CACNA1G: variants seen among roughly 807,000 people sequenced by gnomAD.
CACNA1G encodes the protein calcium voltage-gated channel subunit alpha1 G.
In CACNA1G, 67 loss-of-function variants were observed where a neutral mutation model predicts 219.4. That is an observed-to-expected ratio of 0.31 (90% CI 0.25 to 0.37). CACNA1G has a LOEUF of 0.37. Ranked by LOEUF, CACNA1G falls within the 10% of genes least tolerant of loss-of-function variation. The probability of loss-of-function intolerance (pLI) is 1.00; values close to 1 mark genes in which losing one functional copy is unlikely to be tolerated. For synonymous variants in CACNA1G, 1,296 were observed against 1,345.3 expected (o/e 0.96, Z 0.80); for missense variants, 2,380 against 3,231.4 (o/e 0.74, Z 6.39).
At chr17:50,605,181 C>T (rs1414703926) in intron 22 of CACNA1G, among the ~76,000 whole-genome samples, 1 of 152,116 alleles carries the variant, frequency 6.6e-6, no homozygotes, top group Non-Finnish European at 1.5e-5. Flanking sequence ...CCAGTCCTTC[C>T]GGTGGATTTA....
intron 9 of CACNA1G, among the ~76,000 whole-genome samples, chr17:50,585,367 G>A (rs1045019331): frequency 3.9e-5 from 6 of 152,184 alleles, no homozygotes; most frequent in Non-Finnish European, 8.8e-5. Flanking sequence ...GAAGCTGAGT[G>A]GGCACCGTGA....
rs745698816 is a variant in CACNA1G at position 50,576,039 on chromosome 17, C to G, written c.1637C>G (p.Pro546Arg). Residue 546 changes from proline to arginine, a missense_variant, in exon 8 of 38, where the codon CCC becomes CGC. Coordinates refer to ENST00000359106, the MANE Select transcript of CACNA1G (RefSeq NM_018896.5). ...TCGACGCCTGCCCTCTCCGGGGCCC[C>G]CCCTGGTGGCGCAGAGTCTGTGCAC... Reference protein sequence around the residue: ...PPSTPALSGAPPGGAESVHSF... With the variant: ...PPSTPALSGARPGGAESVHSF... 1 of 1,572,666 alleles carries G rather than the reference C, an allele frequency of 6.4e-7. No homozygotes were observed. Among genetic ancestry groups the G allele is most frequent in the Non-Finnish European group, 8.6e-7 (1 of 1,160,096 alleles).
rs1223217345 is a variant in CACNA1G at position 50,596,017 on chromosome 17, G to A, written c.2980-545G>A. Among the ~76,000 whole-genome samples the A allele has an allele frequency of 6.6e-6, 1 of 152,208 alleles. No individual in the cohort carries two copies. Among genetic ancestry groups the A allele is most frequent in the Non-Finnish European group, 1.5e-5 (1 of 68,050 alleles). On this transcript the variant is annotated intron_variant, in intron 14 of 37. Transcript: ENST00000359106. This position sits in a 1 kb window ranked among gnomAD's most constrained non-coding sequence, Gnocchi z 4.8. ...GAGGTAAAAATGGGGCCAGGGAGGGGGCCGGGACTTGGGGAAGATGAAGGG... is the reference window on the plus strand; with the variant it reads ...GAGGTAAAAATGGGGCCAGGGAGGGAGCCGGGACTTGGGGAAGATGAAGGG...
rs976515933 is a variant in CACNA1G at position 50,600,489 on chromosome 17, G to A, written c.3691-237G>A. Among the ~76,000 whole-genome samples the A allele has an allele frequency of 6.6e-6, 1 of 151,994 alleles. No homozygotes were observed. Among genetic ancestry groups the A allele is most frequent in the African/African-American group, 2.4e-5 (1 of 41,366 alleles). On this transcript the variant is annotated intron_variant, in intron 17 of 37. Transcript: ENST00000359106. This position sits in a 1 kb window ranked among gnomAD's most constrained non-coding sequence, Gnocchi z 4.1. ...GGGAGAGCGGGGTTGGGGATGCAGG[G>A]GAGGAGAGGGAGGAGGTGGAGAGGC...
intron 13 of CACNA1G, among the ~76,000 whole-genome samples, chr17:50,593,772 A>G (rs1417158689): frequency 1.3e-5 from 2 of 152,162 alleles, no homozygotes; most frequent in African/African-American, 4.8e-5. Context: ...GGTGGGATGG[A>G]GAAAGGACTT....
chr17:50,617,536 T>C lies in CACNA1G; in HGVS notation c.5120T>C (p.Ile1707Thr). The C allele has an allele frequency of 6.2e-7, 1 of 1,614,036 alleles. No homozygotes were observed. The highest frequency in any genetic ancestry group is 8.5e-7 in the Non-Finnish European group (1 of 1,179,896). The change falls in exon 29 of 38, where the codon ATC becomes ACC. Residue 1707 changes from isoleucine to threonine, a missense_variant. Ile to Thr is a moderately conservative substitution (Grantham distance 89). Transcript: ENST00000359106. This position sits in a 1 kb window ranked among gnomAD's most constrained non-coding sequence, Gnocchi z 5.8. ...VNASLPINPT[I>T]IRIMRVLRIA... ...GCCTCGCTGCCCATCAACCCCACCA[T>C]CATCCGCATCATGAGGGTGCTGCGC...
intron 13 of CACNA1G, 71 bp from the exon 14 acceptor site, chr17:50,594,922 C>T: frequency 6.8e-6 from 8 of 1,174,496 alleles, no homozygotes; most frequent in Non-Finnish European, 9.9e-6. Flanking sequence ...CCTCTCTCGA[C>T]ACTGCCGATA....
At chr17:50,593,710 G>C (rs2044870774) in intron 13 of CACNA1G, among the ~76,000 whole-genome samples, 1 of 152,234 alleles carries the variant, frequency 6.6e-6, no homozygotes, top group Non-Finnish European at 1.5e-5. Context: ...ACCTTTGCAG[G>C]GAGGGTCTCA....
At chr17:50,609,765 C>T in intron 25 of CACNA1G, 117 bp from the exon 26 acceptor site, 1 of 827,728 alleles carries the variant, frequency 1.2e-6, no homozygotes, top group Non-Finnish European at 1.9e-6. Context: ...CCAATGGGCT[C>T]AGCGCACCCC....
At position 50,602,353 on chromosome 17, in the gene CACNA1G, T is replaced by A. The variant is rs183165519; in HGVS notation, c.3916-467T>A. Among the ~76,000 whole-genome samples the A allele has an allele frequency of 3.6e-4, 55 of 152,360 alleles. 1 individual carries two copies. The South Asian group carries it at 6.2e-3, about 17-fold the overall frequency. Reference sequence around the variant, plus strand: ...TCCCTGCCCTGCCCCAGCCTGTGCCTGGGGGTGCAGAGTCTGTGTCAGGAC... The same window carrying A: ...TCCCTGCCCTGCCCCAGCCTGTGCCAGGGGGTGCAGAGTCTGTGTCAGGAC... On this transcript the variant is annotated intron_variant, in intron 19 of 37. Coordinates refer to ENST00000359106, the MANE Select transcript of CACNA1G (RefSeq NM_018896.5).
At chr17:50,568,244 A>G (rs1334458741) in intron 1 of CACNA1G, among the ~76,000 whole-genome samples, 2 of 151,970 alleles carry the variant, frequency 1.3e-5, no homozygotes, top group African/African-American at 4.8e-5. Context: ...AGAGGAAACT[A>G]TCATAGATCA....
intron 16 of CACNA1G, among the ~76,000 whole-genome samples, chr17:50,598,009 G>A (rs1276803936): frequency 1.3e-5 from 2 of 152,256 alleles, no homozygotes; most frequent in Middle Eastern, 6.8e-3. Flanking sequence ...ATTCCACAGT[G>A]CATGTATGCC....
chr17:50,619,271 T>C (rs2051210797), intron 33 of CACNA1G, among the ~76,000 whole-genome samples: 1 of 152,168 alleles, frequency 6.6e-6, no homozygotes, highest in Non-Finnish European at 1.5e-5. Flanking sequence ...CCTTCCTGAC[T>C]CATAGGTTCA....
At chr17:50,577,802 G>A (rs943756271) in intron 8 of CACNA1G, among the ~76,000 whole-genome samples, 3 of 152,112 alleles carry the variant, frequency 2.0e-5, no homozygotes, top group East Asian at 1.9e-4. Context: ...GTGTGTGGGC[G>A]TGTCTTAAGG....
Position 50,576,181 on chromosome 17 carries a change from G to A in CACNA1G, c.1779G>A (p.Val593=), listed in dbSNP as rs2040605537. 1.2e-6 allele frequency: 2 copies of A among 1,610,308 alleles called. No homozygotes were observed. ...TVGSGKVYPT[V]HTSPPPETLK... ...GCAGCGGGAAGGTGTATCCCACCGT[G>A]CACACCAGCCCTCCACCGGAGACGC... Residue 593 remains valine (V), a synonymous_variant, in exon 8 of 38, where the codon GTG becomes GTA. Transcript: ENST00000359106.
At chr17:50,597,761 T>C (rs185522254) in intron 16 of CACNA1G, among the ~76,000 whole-genome samples, 1 of 152,372 alleles carries the variant, frequency 6.6e-6, no homozygotes, top group Admixed American at 6.5e-5. Context: ...TGAAACTTCG[T>C]ATCCTTTGGC....
chr17:50,584,327 A>G (rs2042579555), intron 9 of CACNA1G, among the ~76,000 whole-genome samples: 1 of 151,774 alleles, frequency 6.6e-6, no homozygotes, highest in African/African-American at 2.4e-5. Flanking sequence ...GGCCTGAGGG[A>G]AGAGAGGCGG....
At chr17:50,623,863 C>A in intron 35 of CACNA1G, 44 bp from the exon 36 acceptor site, 2 of 1,582,950 alleles carry the variant, frequency 1.3e-6, no homozygotes, top group Non-Finnish European at 1.7e-6. Flanking sequence ...ACCAAACCCA[C>A]GCACACCCTC....
chr17:50,612,438 C>T (rs1448848926), intron 26 of CACNA1G, among the ~76,000 whole-genome samples: 2 of 152,238 alleles, frequency 1.3e-5, no homozygotes, highest in South Asian at 2.1e-4. Context: ...CCCCACGGGA[C>T]GGCTAAGCCT....
Sources: gnomAD v4.1 joint callset for allele counts (sites outside exome capture counted in the v4.1 genomes callset) on GRCh38, gnomAD v4.1.1 for gene constraint, Gnocchi (gnomAD v3.1) non-coding constraint, MANE v1.5 for transcripts, NCBI Gene and HGNC (gene_info 2026-07-23, HGNC 2026-07-21) for gene names.